Variants in ADAM12 observed in about 807,000 individuals in gnomAD.
ADAM12 encodes the protein ADAM metallopeptidase domain 12, also known as disintegrin and metalloproteinase domain-containing protein 12.
In ADAM12, 70 loss-of-function variants were observed where a neutral mutation model predicts 106.4. That is an observed-to-expected ratio of 0.66 (90% CI 0.54 to 0.80). The LOEUF (loss-of-function observed/expected upper bound fraction) is 0.80, where lower values mean the gene tolerates loss of function less well. Among genes scored for constraint, ADAM12 ranks in the 30% least tolerant of loss-of-function variants. ADAM12 has a pLI of 0.00. For synonymous variants in ADAM12, 420 were observed against 433.5 expected, an observed-to-expected ratio of 0.97 and a Z score of 0.39; for missense variants, 1,010 against 1,171.9, an observed-to-expected ratio of 0.86 and a Z score of 2.02.
intron 18 of ADAM12, chr10:126,041,514 T>C (rs1484902661): frequency 1.0e-6 from 1 of 985,618 alleles, no homozygotes; most frequent in Non-Finnish European, 1.2e-6. Context: ...GTCACGCATG[T>C]CCACAGCAAA....
chr10:126,140,260 T>C (rs1019677607), intron 4 of ADAM12, among the ~76,000 whole-genome samples: 4 of 152,224 alleles, frequency 2.6e-5, no homozygotes, highest in African/African-American at 9.6e-5. Context: ...GAAAACCAAA[T>C]GGTGACAATA....
At chr10:126,373,583 CTG>C (rs1171077814) in intron 1 of ADAM12, among the ~76,000 whole-genome samples, 1 of 152,198 alleles carries the variant, frequency 6.6e-6, no homozygotes, top group Non-Finnish European at 1.5e-5. Context: ...CTTCTCAACA[CTG>C]TATCCCCAGT....
chr10:126,385,347 G>T (rs1036212039), intron 1 of ADAM12, among the ~76,000 whole-genome samples: 7 of 152,180 alleles, frequency 4.6e-5, no homozygotes, highest in African/African-American at 1.7e-4. Context: ...AGGTTGCAAG[G>T]GAGGTGGCAC....
At chr10:126,206,860 C>CCAGGGGGGGGGG (rs1957806969) in intron 3 of ADAM12, among the ~76,000 whole-genome samples, 1 of 97,834 alleles carries the variant, frequency 1.0e-5, no homozygotes, top group Non-Finnish European at 2.1e-5. Context: ...GTTGTGGGGG[C>CCAGGGGGGGGGG]GGGGGGGAGC....
chr10:126,054,686 G>C (rs1447590684), intron 14 of ADAM12, among the ~76,000 whole-genome samples: 1 of 152,226 alleles, frequency 6.6e-6, no homozygotes, highest in East Asian at 1.9e-4. Flanking sequence ...TGTTGTACAA[G>C]CTCTCGAGGT....
At chr10:126,207,407 C>T (rs538355275) in intron 3 of ADAM12, among the ~76,000 whole-genome samples, 25 of 152,270 alleles carry the variant, frequency 1.6e-4, no homozygotes, top group South Asian at 1.0e-3. Flanking sequence ...GTGCAAATTA[C>T]GCAAGCTATT....
At chr10:126,298,824 A>G (rs1960490483) in intron 2 of ADAM12, among the ~76,000 whole-genome samples, 1 of 152,238 alleles carries the variant, frequency 6.6e-6, no homozygotes, top group African/African-American at 2.4e-5. Flanking sequence ...ACAGAAGACA[A>G]AAGAATATAC....
chr10:126,141,914 A>G (rs1366004606), intron 4 of ADAM12, among the ~76,000 whole-genome samples: 4 of 152,232 alleles, frequency 2.6e-5, no homozygotes, highest in Admixed American at 6.5e-5. Flanking sequence ...TATTCTAGCC[A>G]GAAGGAAGCT....
rs144967062 is a variant in ADAM12, at chr10:126,278,565, C to T, written c.260+350G>A. ...TTCTATCAGTTTGAAGCTGTTTCCCCTAATATAATCCAGGAGTTGTCAAAA... is the reference window on the plus strand; with the variant it reads ...TTCTATCAGTTTGAAGCTGTTTCCCTTAATATAATCCAGGAGTTGTCAAAA... On this transcript the variant is annotated intron_variant, in intron 3 of 22. Transcript: ENST00000448723. 3.1e-4 allele frequency among the ~76,000 whole-genome samples: 47 copies of T among 152,210 alleles called. 2 individuals carry two copies. The highest frequency in any genetic ancestry group is 1.1e-3 in the African/African-American group (46 of 41,526).
At chr10:126,279,671 G>C (rs1182272151) in intron 2 of ADAM12, among the ~76,000 whole-genome samples, 1 of 152,062 alleles carries the variant, frequency 6.6e-6, no homozygotes, top group African/African-American at 2.4e-5. Flanking sequence ...AGGTTGTAGT[G>C]AGCCAAGATT....
intron 21 of ADAM12, among the ~76,000 whole-genome samples, chr10:126,020,329 G>A (rs1010767113): frequency 4.6e-5 from 7 of 152,118 alleles, no homozygotes; most frequent in Admixed American, 6.5e-5. Flanking sequence ...TGAAGGCTCC[G>A]CGAAATACAC....
chr10:126,230,775 T>G (rs1005644105), intron 3 of ADAM12, among the ~76,000 whole-genome samples: 1 of 152,270 alleles, frequency 6.6e-6, no homozygotes, highest in Admixed American at 6.5e-5. Context: ...ACTATATTTA[T>G]GCTGCCAATA....
chr10:126,277,989 G>C (rs1458692242), intron 3 of ADAM12, among the ~76,000 whole-genome samples: 1 of 152,124 alleles, frequency 6.6e-6, no homozygotes, highest in Non-Finnish European at 1.5e-5. Flanking sequence ...GGGAGATGTT[G>C]AGTCAGGTTC....
chr10:126,268,751 C>G (rs1959150325), intron 3 of ADAM12, among the ~76,000 whole-genome samples: 3 of 152,138 alleles, frequency 2.0e-5, no homozygotes, highest in Non-Finnish European at 4.4e-5. Flanking sequence ...GTAAACACTT[C>G]TGAAAACAGT....
At chr10:126,019,597 G>T in intron 22 of ADAM12, 98 bp downstream of exon 22, 1 of 1,492,794 alleles carries the variant, frequency 6.7e-7, no homozygotes, top group Non-Finnish European at 9.1e-7. Context: ...AGGAAGCACG[G>T]CCTAGACCAC....
At chr10:126,039,101 A>G (rs565948495) in intron 19 of ADAM12, among the ~76,000 whole-genome samples, 193 bp downstream of exon 19, 31 of 151,736 alleles carry the variant, frequency 2.0e-4, no homozygotes, top group Non-Finnish European at 3.5e-4. Flanking sequence ...ATGGGACTAC[A>G]GGCACCCACC....
chr10:126,315,843 G>A (rs916745910), intron 2 of ADAM12, among the ~76,000 whole-genome samples: 3 of 152,218 alleles, frequency 2.0e-5, no homozygotes, highest in Admixed American at 2.0e-4. Flanking sequence ...CACTCTCAAT[G>A]CTCTTTATAA....
intron 3 of ADAM12, among the ~76,000 whole-genome samples, chr10:126,179,683 TG>T (rs1418047680): frequency 6.6e-6 from 1 of 152,178 alleles, no homozygotes; most frequent in African/African-American, 2.4e-5. Context: ...GGCTGGGTAC[TG>T]GGGAAACCAA....
rs116248311 is a variant in ADAM12, at chr10:126,116,600, A to G, written c.603+1438T>C. Among the ~76,000 whole-genome samples the G allele has an allele frequency of 9.6e-3, 1,466 of 152,210 alleles. 29 individuals carry two copies. Among genetic ancestry groups the G allele is most frequent in the African/African-American group, 0.033 (1,375 of 41,532 alleles). ...AAGCAGCCATGTCAAGGTGAGCCAC[A>G]GTACCAGATGGGAGAGTTCCTCCCC... On this transcript the variant is annotated intron_variant, in intron 6 of 22. Coordinates refer to ENST00000448723, the MANE Select transcript of ADAM12 (RefSeq NM_001288973.2).
Sources: gnomAD v4.1 joint callset for allele counts (sites outside exome capture counted in the v4.1 genomes callset) on GRCh38, gnomAD v4.1.1 for gene constraint, MANE v1.5 for transcripts, NCBI Gene and HGNC (gene_info 2026-07-23, HGNC 2026-07-21) for gene names.